Variants in GRIA3 observed in about 807,000 individuals in gnomAD.
GRIA3 encodes glutamate receptor 3.
Under a neutral mutation model 63.0 loss-of-function variants are expected in GRIA3, and 3 were observed. That is an observed-to-expected ratio of 0.05 (90% CI 0.02 to 0.12). GRIA3 has a LOEUF of 0.12. GRIA3 is among the 10% of genes least tolerant of loss of function. GRIA3 has a pLI of 1.00. For synonymous variants in GRIA3, 274 were observed against 257.9 expected (o/e 1.06, Z -0.60); for missense variants, 347 against 700.9 (o/e 0.50, Z 5.70).
At chrX:123,290,583 G>A (rs991040407) in intron 3 of GRIA3, among the ~76,000 whole-genome samples, 2 of 82,137 alleles carry the variant, frequency 2.4e-5, no homozygotes, top group Non-Finnish European at 4.6e-5. Context: ...TCTCCTCAAA[G>A]GACTGTGTGT....
chrX:123,219,413 G>A (rs1165808023), intron 2 of GRIA3, among the ~76,000 whole-genome samples: 1 of 112,044 alleles, frequency 8.9e-6, no homozygotes, highest in African/African-American at 3.3e-5. Context: ...TAAGGTTCAA[G>A]AAGTAGACCT....
chrX:123,216,614 T>A (rs1447145675), intron 2 of GRIA3, among the ~76,000 whole-genome samples: 1 of 111,724 alleles, frequency 9.0e-6, no homozygotes, highest in Non-Finnish European at 1.9e-5. Context: ...AGTGCAGACT[T>A]GGCTAGTAAT....
chrX:123,484,382 C>T (rs747369187), intron 15 of GRIA3, among the ~76,000 whole-genome samples: 1 of 112,412 alleles, frequency 8.9e-6, no homozygotes, highest in Admixed American at 9.3e-5. Flanking sequence ...ATTTTGACCT[C>T]ATGAGTAAAT....
intron 12 of GRIA3, among the ~76,000 whole-genome samples, chrX:123,438,650 G>C (rs1456512227): frequency 9.0e-6 from 1 of 111,653 alleles, no homozygotes; most frequent in Non-Finnish European, 1.9e-5. Flanking sequence ...AGCCTCCCAA[G>C]TAGCTGGGAT....
At chrX:123,417,844 T>C in intron 11 of GRIA3, 66 bp downstream of exon 11, 3 of 964,227 alleles carry the variant, frequency 3.1e-6, no homozygotes, top group Non-Finnish European at 4.4e-6. Flanking sequence ...CATGTACATA[T>C]GGTATTCATC....
intron 2 of GRIA3, among the ~76,000 whole-genome samples, chrX:123,237,768 A>G (rs2044309154): frequency 8.9e-6 from 1 of 112,180 alleles, no homozygotes; most frequent in Admixed American, 9.4e-5. Flanking sequence ...CCGTCTGCAG[A>G]TGAAACTACA....
At chrX:123,268,629 G>T (rs951633767) in intron 3 of GRIA3, among the ~76,000 whole-genome samples, 1 of 110,393 alleles carries the variant, frequency 9.1e-6, no homozygotes, top group Non-Finnish European at 1.9e-5. Flanking sequence ...TTTAAAAAAT[G>T]ACCTTAGACA....
chrX:123,289,427 A>T (rs191099194), intron 3 of GRIA3, among the ~76,000 whole-genome samples: 1,315 of 101,613 alleles, frequency 0.013, 21 homozygotes, highest in African/African-American at 0.044. Context: ...ATTTAAAAAA[A>T]ATATATATAT....
At chrX:123,476,623 T>C (rs1312605163) in intron 13 of GRIA3, among the ~76,000 whole-genome samples, 1 of 111,815 alleles carries the variant, frequency 8.9e-6, no homozygotes, top group Non-Finnish European at 1.9e-5. Context: ...CTTTTATGTT[T>C]GTTGGCTGTG....
chrX:123,328,624 A>G (rs938879467), intron 4 of GRIA3, among the ~76,000 whole-genome samples: 1 of 112,286 alleles, frequency 8.9e-6, no homozygotes, highest in African/African-American at 3.2e-5. Context: ...TATCTTGTTC[A>G]CTATTATATC....
intron 5 of GRIA3, among the ~76,000 whole-genome samples, chrX:123,367,103 G>T (rs1477424898): frequency 2.7e-5 from 3 of 111,076 alleles, no homozygotes; most frequent in Admixed American, 9.6e-5. Flanking sequence ...TAATGTCTTT[G>T]GGTAGACGAG....
chrX:123,233,469 C>T (rs1360515666), intron 2 of GRIA3, among the ~76,000 whole-genome samples: 3 of 111,459 alleles, frequency 2.7e-5, no homozygotes, highest in African/African-American at 9.8e-5. Flanking sequence ...ATCACTTACC[C>T]TCTCTGAGCC....
chrX:123,446,510 G>A (rs2045703731), intron 12 of GRIA3, among the ~76,000 whole-genome samples: 1 of 112,329 alleles, frequency 8.9e-6, no homozygotes, highest in South Asian at 3.7e-4. Context: ...AAGCCTCAAA[G>A]AGAGATGACT....
chrX:123,438,043 A>G (rs1462393271), intron 12 of GRIA3, among the ~76,000 whole-genome samples: 1 of 112,048 alleles, frequency 8.9e-6, no homozygotes, highest in Non-Finnish European at 1.9e-5. Flanking sequence ...TAAGCACACA[A>G]TTCAGTGGCA....
intron 3 of GRIA3, among the ~76,000 whole-genome samples, chrX:123,285,577 C>CAAAAAAA (rs59101106): frequency 3.0e-4 from 3 of 10,169 alleles, no homozygotes; most frequent in Admixed American, 1.6e-3. Flanking sequence ...AAATGAAAAG[C>CAAAAAAA]AAAAAAAAAA....
intron 3 of GRIA3, among the ~76,000 whole-genome samples, chrX:123,300,807 T>C (rs1015266032): frequency 9.1e-6 from 1 of 110,356 alleles, no homozygotes; most frequent in African/African-American, 3.3e-5. Context: ...GGGCATTTAG[T>C]GCTATAAATT....
intron 3 of GRIA3, among the ~76,000 whole-genome samples, chrX:123,292,741 A>G (rs1214735670): frequency 9.0e-6 from 1 of 111,547 alleles, no homozygotes; most frequent in African/African-American, 3.3e-5. Context: ...TGGGGAAGTC[A>G]AGAAGTGGCC....
intron 2 of GRIA3, among the ~76,000 whole-genome samples, chrX:123,232,478 G>C (rs1435416101): frequency 9.0e-6 from 1 of 111,546 alleles, no homozygotes. Context: ...TATTTAGTGG[G>C]TACAGAGTTT....
chrX:123,345,202 A>G (rs2045036754), intron 4 of GRIA3, among the ~76,000 whole-genome samples: 1 of 111,431 alleles, frequency 9.0e-6, no homozygotes. Flanking sequence ...TGAAGCACGA[A>G]TAAGGCCAAG....
Sources: gnomAD v4.1 joint callset for allele counts (sites outside exome capture counted in the v4.1 genomes callset) on GRCh38, gnomAD v4.1.1 for gene constraint, MANE v1.5 for transcripts, NCBI Gene and HGNC (gene_info 2026-07-23, HGNC 2026-07-21) for gene names.